The following VPS54 variants were observed in gnomAD, a reference collection of about 807,000 sequenced individuals.
VPS54 encodes the protein VPS54 subunit of GARP complex.
In VPS54, 45 loss-of-function variants were observed where a neutral mutation model predicts 121.5. The observed-to-expected ratio is 0.37, with a 90% CI of 0.29 to 0.47. The LOEUF (loss-of-function observed/expected upper bound fraction) is 0.47, where lower values mean the gene tolerates loss of function less well. Ranked by LOEUF, VPS54 falls within the 20% of genes least tolerant of loss-of-function variation. The pLI is 0.99. For synonymous variants in VPS54, 371 were observed against 385.8 expected (o/e 0.96, Z 0.45); for missense variants, 1,090 against 1,131.4 (o/e 0.96, Z 0.52).
intron 1 of VPS54, among the ~76,000 whole-genome samples, chr2:63,988,773 T>C (rs1677174473): frequency 6.6e-6 from 1 of 152,136 alleles, no homozygotes; most frequent in Admixed American, 6.5e-5. Flanking sequence ...AAAGCATGTA[T>C]GTTTGAACAA....
At chr2:63,913,817 T>A (rs1358560179) in intron 17 of VPS54, 1 of 1,040,372 alleles carries the variant, frequency 9.6e-7, no homozygotes, top group Non-Finnish European at 1.2e-6. Context: ...GCAAGAAAAA[T>A]CTCTAACCTT....
At chr2:63,998,667 C>T (rs1325365733) in intron 1 of VPS54, among the ~76,000 whole-genome samples, 2 of 152,008 alleles carry the variant, frequency 1.3e-5, no homozygotes, top group Non-Finnish European at 2.9e-5. Flanking sequence ...TATAAATAGG[C>T]AAAAAGAAAA....
At chr2:63,953,371 G>A (rs1360996621) in intron 7 of VPS54, among the ~76,000 whole-genome samples, 2 of 151,966 alleles carry the variant, frequency 1.3e-5, no homozygotes, top group Non-Finnish European at 2.9e-5. Flanking sequence ...GACCTCAAGT[G>A]GTCCACCCGC....
rs1361280426 is a variant in VPS54 at position 63,988,710 on chromosome 2, GTA to G, written c.-20-4693_-20-4692del. Among the ~76,000 whole-genome samples the G allele has an allele frequency of 3.9e-5, 6 of 152,252 alleles. No individual in the cohort carries two copies. The South Asian group carries it at 1.0e-3, about 26-fold the overall frequency. The stretch of plus-strand genomic sequence containing the variant: ...CCCATCATCTTCGTAAAATGAGGAT[GTA>G]TGTCACCTCGGGACCCTGTGATGAT... On this transcript the variant is annotated intron_variant, in intron 1 of 22. Transcript: ENST00000272322.
At chr2:63,940,346 T>A (rs766863954) in intron 11 of VPS54, among the ~76,000 whole-genome samples, 10 of 152,332 alleles carry the variant, frequency 6.6e-5, no homozygotes, top group Non-Finnish European at 1.0e-4. Flanking sequence ...TCTGTAAAGA[T>A]GTTGTACATA....
At chr2:63,983,457 T>C (rs1424573606) in intron 2 of VPS54, among the ~76,000 whole-genome samples, 1 of 148,030 alleles carries the variant, frequency 6.8e-6, no homozygotes, top group Non-Finnish European at 1.5e-5. Context: ...TTTTTTTTTT[T>C]TTTTTGAGAT....
intron 7 of VPS54, among the ~76,000 whole-genome samples, chr2:63,951,205 CCTT>C (rs1675223545): frequency 1.7e-5 from 2 of 114,408 alleles, no homozygotes; most frequent in South Asian, 2.4e-4. Context: ...CACAAATTTC[CCTT>C]TTTTTTTTTT....
intron 1 of VPS54, among the ~76,000 whole-genome samples, chr2:63,996,501 C>A (rs1368883218): frequency 6.6e-6 from 1 of 152,074 alleles, no homozygotes; most frequent in East Asian, 1.9e-4. Context: ...GAAAAAAGAA[C>A]AGGATAACAG....
At chr2:63,982,375 G>A (rs1676838550) in intron 2 of VPS54, among the ~76,000 whole-genome samples, 1 of 152,022 alleles carries the variant, frequency 6.6e-6, no homozygotes, top group African/African-American at 2.4e-5. Context: ...AACCATACAA[G>A]AAGGAAAATT....
intron 1 of VPS54, among the ~76,000 whole-genome samples, chr2:64,002,504 T>C (rs1399636020): frequency 6.6e-6 from 1 of 152,210 alleles, no homozygotes; most frequent in African/African-American, 2.4e-5. Context: ...ATGTTAAACA[T>C]CCATTGCTTA....
intron 1 of VPS54, among the ~76,000 whole-genome samples, chr2:63,993,241 G>C (rs1444735732): frequency 6.6e-6 from 1 of 152,132 alleles, no homozygotes; most frequent in Admixed American, 6.6e-5. Flanking sequence ...AAAAACTTTT[G>C]GGTAACATTA....
Position 63,970,224 on chromosome 2 carries a change from C to T in VPS54, c.458-1233G>A, listed in dbSNP as rs1453803173. On this transcript the variant is annotated intron_variant, in intron 4 of 22. Coordinates refer to ENST00000272322, the MANE Select transcript of VPS54 (RefSeq NM_016516.3). ...AAAAATATATATATACACACACACA[C>T]ACACACACACACATTCTAATATATA... 8.9e-5 allele frequency among the ~76,000 whole-genome samples: 7 copies of T among 78,878 alleles called. No homozygotes were observed. In the South Asian group the frequency reaches 2.1e-3, roughly 24 times the overall value. 51.7% of individuals were successfully genotyped at this position (78,878 alleles called of 152,430 possible). A position where few individuals can be genotyped will look rare whatever the true frequency, so the allele number is the denominator to read the frequency against.
chr2:63,933,924 C>T lies in VPS54; in HGVS notation c.1488G>A (p.Lys496=), dbSNP rs1346609358. Residue 496 remains lysine, a synonymous_variant, in exon 12 of 23, where the codon AAG becomes AAA. Coordinates refer to ENST00000272322, the MANE Select transcript of VPS54 (RefSeq NM_016516.3). ...TRELEEISQQ[K]NAAKDNSLDT... ...CCAGTGAATTATCTTTTGCAGCATTCTTCTGTTGTGAAATCTCTTCCAATT... is the reference window on the plus strand; with the variant it reads ...CCAGTGAATTATCTTTTGCAGCATTTTTCTGTTGTGAAATCTCTTCCAATT... 20 of 1,613,556 alleles carry T rather than the reference C, an allele frequency of 1.2e-5. No individual in the cohort carries two copies. The highest frequency in any genetic ancestry group is 1.7e-5 in the Non-Finnish European group (20 of 1,179,780).
chr2:63,962,360 G>T lies in VPS54; in HGVS notation c.708C>A (p.Thr236=). 1 of 1,613,938 alleles carries T rather than the reference G, an allele frequency of 6.2e-7. No individual in the cohort carries two copies. Among genetic ancestry groups the T allele is most frequent in the South Asian group, 1.1e-5 (1 of 91,068 alleles). ...LRSEAFFHAM[T]SQHELQDYLR... is the part of the protein sequence containing the mutation. ...GGTAGTCCTGCAACTCGTGTTGAGA[G>T]GTCATTGCATGAAAAAATGCTTCTG... Residue 236 remains threonine (T), a synonymous_variant, in exon 7 of 23, where the codon ACC becomes ACA. Coordinates refer to ENST00000272322, the MANE Select transcript of VPS54 (RefSeq NM_016516.3).
chr2:63,962,659 G>A (rs1173965775), intron 6 of VPS54, among the ~76,000 whole-genome samples: 1 of 152,090 alleles, frequency 6.6e-6, no homozygotes, highest in Non-Finnish European at 1.5e-5. Context: ...AGAGTACAAG[G>A]TCATTTACTT....
chr2:63,989,466 C>T (rs1465268012), intron 1 of VPS54, among the ~76,000 whole-genome samples: 3 of 152,164 alleles, frequency 2.0e-5, no homozygotes, highest in Non-Finnish European at 2.9e-5. Context: ...TACTCTTTCC[C>T]TTTATTTCTC....
chr2:63,934,606 C>G lies in VPS54; in HGVS notation c.1399-593G>C, dbSNP rs1262968951. On this transcript the variant is annotated intron_variant, in intron 11 of 22. Transcript: ENST00000272322. ...GAGGTTCTGGCTCCAGTGGTCACTT[C>G]CTCAGAGGCCTTCCCTGAATCTCCA... Among the ~76,000 whole-genome samples, 14 of 152,160 alleles carry G rather than the reference C, an allele frequency of 9.2e-5. 1 individual carries two copies.
intron 7 of VPS54, among the ~76,000 whole-genome samples, chr2:63,955,654 CT>C (rs1389069349): frequency 1.3e-5 from 2 of 152,072 alleles, no homozygotes; most frequent in East Asian, 3.9e-4. Flanking sequence ...AACCTCAATA[CT>C]AACACCAAAC....
rs764515091 is a variant in VPS54 at position 64,005,089 on chromosome 2, C to CTTTTTTTT, written c.-21+13841_-21+13848dup. 8.6e-3 allele frequency among the ~76,000 whole-genome samples: 381 copies of CTTTTTTTT among 44,112 alleles called. 63 individuals are homozygous for CTTTTTTTT. Among genetic ancestry groups the CTTTTTTTT allele is most frequent in the African/African-American group, 0.014 (145 of 10,532 alleles). The allele number at this position is 44,112 out of a possible 152,430, so 28.9% of individuals were successfully genotyped here. ...TACCATGCCCAGTCTACTATTGCTT[C>CTTTTTTTT]TTTTTTTTTTTTTTTTTTTTTTTTT... On this transcript the variant is annotated intron_variant, in intron 1 of 22. Coordinates refer to ENST00000272322, the MANE Select transcript of VPS54 (RefSeq NM_016516.3).
Sources: gnomAD v4.1 joint callset for allele counts (sites outside exome capture counted in the v4.1 genomes callset) on GRCh38, gnomAD v4.1.1 for gene constraint, MANE v1.5 for transcripts, NCBI Gene and HGNC (gene_info 2026-07-23, HGNC 2026-07-21) for gene names.